NAA50: variants seen among roughly 807,000 people sequenced by gnomAD.
The protein encoded by NAA50 is N-alpha-acetyltransferase 50, NatE catalytic subunit.
NAA50 carries 7 observed loss-of-function variants against 20.7 expected under a neutral mutation model. The observed-to-expected ratio is 0.34, with a 90% CI of 0.19 to 0.63. The LOEUF (loss-of-function observed/expected upper bound fraction) is 0.63. Ranked by LOEUF, NAA50 falls within the 30% of genes least tolerant of loss-of-function variation. The pLI is 0.75. For synonymous variants in NAA50, 54 were observed against 70.6 expected (o/e 0.77, Z 1.18); for missense variants, 111 against 199.1 (o/e 0.56, Z 2.66).
At chr3:113,744,503 T>C (rs541969394) in intron 1 of NAA50, among the ~76,000 whole-genome samples, 1 of 146,302 alleles carries the variant, frequency 6.8e-6, no homozygotes, top group East Asian at 2.0e-4. Flanking sequence ...ACAAAAGGAG[T>C]GCAGTATAGC....
intron 3 of NAA50, 97 bp from the exon 4 acceptor site, chr3:113,723,069 A>G (rs1708157118): frequency 2.2e-6 from 3 of 1,385,972 alleles, no homozygotes; most frequent in Non-Finnish European, 2.9e-6. Flanking sequence ...TTGAGTCCTA[A>G]AAGAATTTAT....
rs1708134035 is a variant in NAA50 at position 113,721,408 on chromosome 3, T to C, written c.*352A>G. ...CTGCTTCTTTTTGTCTTTTGAAATA[T>C]ACAATGTTTTGTAGGCTCTGCCCTT... On this transcript the variant is annotated 3_prime_UTR_variant, in exon 5 of 5. Coordinates refer to ENST00000240922, the MANE Select transcript of NAA50 (RefSeq NM_025146.4). The C allele has an allele frequency of 8.0e-6, 2 of 249,508 alleles. No homozygotes were observed. Among genetic ancestry groups the C allele is most frequent in the Non-Finnish European group, 7.7e-6 (1 of 129,566 alleles). 15.5% of individuals were successfully genotyped at this position (249,508 alleles called of 1,614,324 possible).
chr3:113,721,650 C>A lies in NAA50; in HGVS notation c.*110G>T. 2 of 1,115,282 alleles carry A rather than the reference C, an allele frequency of 1.8e-6. No individual in the cohort carries two copies. The highest frequency in any genetic ancestry group is 4.5e-5 in the Admixed American group (2 of 44,220). 69.1% of individuals were successfully genotyped at this position (1,115,282 alleles called of 1,614,324 possible). A position where few individuals can be genotyped will look rare whatever the true frequency, so the allele number is the denominator to read the frequency against. On this transcript the variant is annotated 3_prime_UTR_variant, in exon 5 of 5. Coordinates refer to ENST00000240922, the MANE Select transcript of NAA50 (RefSeq NM_025146.4). Reference sequence around the variant, plus strand: ...GGAAAGGAAGAAAGAAAAACAAGAACAAGGAGGGAGAAAAGCTTTAAAAGA... The same window carrying A: ...GGAAAGGAAGAAAGAAAAACAAGAAAAAGGAGGGAGAAAAGCTTTAAAAGA...
At chr3:113,728,222 C>T (rs1331195747) in intron 1 of NAA50, among the ~76,000 whole-genome samples, 3 of 151,880 alleles carry the variant, frequency 2.0e-5, no homozygotes, top group Non-Finnish European at 2.9e-5. Flanking sequence ...TATTAAAAAA[C>T]TAACCTAATG....
chr3:113,742,472 C>CAGG (rs1234172158), intron 1 of NAA50, among the ~76,000 whole-genome samples: 1 of 148,810 alleles, frequency 6.7e-6, no homozygotes, highest in African/African-American at 2.5e-5. Flanking sequence ...GTCGCCCAGG[C>CAGG]AGGAATGCAG....
At chr3:113,745,691 A>G in intron 1 of NAA50, 1 of 494,504 alleles carries the variant, frequency 2.0e-6, no homozygotes. Context: ...TCCCCACTCA[A>G]CAACCCACAC....
At chr3:113,723,932 G>T in intron 2 of NAA50, 27 bp downstream of exon 2, 1 of 1,519,638 alleles carries the variant, frequency 6.6e-7, no homozygotes, top group South Asian at 1.3e-5. Flanking sequence ...GAAAAGAAGG[G>T]AGGACAAAAA....
intron 1 of NAA50, chr3:113,724,639 C>T (rs959484411): frequency 1.3e-5 from 2 of 152,168 alleles, no homozygotes; most frequent in African/African-American, 4.8e-5. Context: ...AAGGAATCCA[C>T]CATCTTGAAA....
rs1211292551 is a variant in NAA50, at chr3:113,719,976, T to C, written c.*1784A>G. 1 of 152,668 alleles carries C rather than the reference T, an allele frequency of 6.6e-6. No individual in the cohort carries two copies. The highest frequency in any genetic ancestry group is 1.5e-5 in the Non-Finnish European group (1 of 68,026). The allele number at this position is 152,668 out of a possible 1,614,324, so 9.5% of individuals were successfully genotyped here. ...GCAAGCTGAAGCTTATTCATGAAGATAAAGGTGCTTAACGCTAAACTTTTC... is the reference window on the plus strand; with the variant it reads ...GCAAGCTGAAGCTTATTCATGAAGACAAAGGTGCTTAACGCTAAACTTTTC... On this transcript the variant is annotated 3_prime_UTR_variant, in exon 5 of 5. Transcript: ENST00000240922.
chr3:113,742,977 T>C (rs1435847158), intron 1 of NAA50, among the ~76,000 whole-genome samples: 2 of 152,120 alleles, frequency 1.3e-5, no homozygotes, highest in Admixed American at 1.3e-4. Flanking sequence ...CAGATAAAAA[T>C]ATCACCCACA....
intron 1 of NAA50, among the ~76,000 whole-genome samples, chr3:113,726,148 G>A (rs1434351402): frequency 6.6e-6 from 1 of 151,938 alleles, no homozygotes; most frequent in Non-Finnish European, 1.5e-5. Context: ...CCTAAAATCT[G>A]AACATAGTTT....
chr3:113,723,890 A>G (rs1490116435), intron 2 of NAA50, 69 bp downstream of exon 2: 3 of 1,427,160 alleles, frequency 2.1e-6, no homozygotes, highest in Non-Finnish European at 1.9e-6. Context: ...CTTCTGCTCT[A>G]TAAAAAACTA....
intron 1 of NAA50, among the ~76,000 whole-genome samples, chr3:113,730,697 G>T (rs7644485): frequency 3.9e-5 from 6 of 152,122 alleles, no homozygotes; most frequent in African/African-American, 1.4e-4. Flanking sequence ...AAAATACATA[G>T]CTGCTTGTTT....
At chr3:113,745,186 G>T (rs1036566478) in intron 1 of NAA50, among the ~76,000 whole-genome samples, 7 of 152,132 alleles carry the variant, frequency 4.6e-5, no homozygotes, top group African/African-American at 1.7e-4. Flanking sequence ...CTAATTTTAC[G>T]TAAGAGGCAA....
chr3:113,734,835 GTTTT>G (rs761677660), intron 1 of NAA50, among the ~76,000 whole-genome samples: 1 of 151,366 alleles, frequency 6.6e-6, no homozygotes, highest in Non-Finnish European at 1.5e-5. Context: ...TGTTCTGATA[GTTTT>G]TTTTTCCATC....
At chr3:113,730,879 T>C (rs1443903746) in intron 1 of NAA50, among the ~76,000 whole-genome samples, 1 of 152,196 alleles carries the variant, frequency 6.6e-6, no homozygotes, top group East Asian at 1.9e-4. Flanking sequence ...AAAATTCCTA[T>C]AAACATTTAC....
Position 113,721,950 on chromosome 3 carries a change from A to G in NAA50, c.333-13T>C. 6.3e-7 allele frequency: 1 copy of G among 1,594,160 alleles called. No homozygotes were observed. The highest frequency in any genetic ancestry group is 8.5e-7 in the Non-Finnish European group (1 of 1,172,968). On this transcript the variant is annotated splice_polypyrimidine_tract_variant and intron_variant, in intron 4 of 4. Coordinates refer to ENST00000240922, the MANE Select transcript of NAA50 (RefSeq NM_025146.4). ...GATCTGGACATGCCTGAGATATAAG[A>G]GAGTATCAGAAAAAAAATTAAAATT...
chr3:113,726,671 G>T (rs557659194), intron 1 of NAA50, among the ~76,000 whole-genome samples: 1 of 151,472 alleles, frequency 6.6e-6, no homozygotes, highest in African/African-American at 2.4e-5. Context: ...TGGAACCCAG[G>T]AGGCAGAGGT....
intron 1 of NAA50, among the ~76,000 whole-genome samples, chr3:113,742,425 C>CTT (rs770744656): frequency 0.023 from 3,039 of 130,182 alleles, 157 homozygotes; most frequent in African/African-American, 0.08. Flanking sequence ...GCATGCCTGG[C>CTT]TTTTTTTTTT....
Sources: gnomAD v4.1 joint callset for allele counts (sites outside exome capture counted in the v4.1 genomes callset) on GRCh38, gnomAD v4.1.1 for gene constraint, MANE v1.5 for transcripts, NCBI Gene and HGNC (gene_info 2026-07-23, HGNC 2026-07-21) for gene names.